The following PILRB variants were observed in gnomAD, a reference collection of about 807,000 sequenced individuals.
The protein encoded by PILRB is paired immunoglobin like type 2 receptor beta, also known as paired immunoglobulin-like type 2 receptor beta.
A neutral mutation model predicts 20.5 loss-of-function variants in PILRB; 21 were observed. The ratio of observed to expected loss-of-function variants is 1.02; its 90% CI spans 0.72 to 1.47. The LOEUF (loss-of-function observed/expected upper bound fraction) is 1.47, where lower values mean the gene tolerates loss of function less well. Among genes scored for constraint, PILRB ranks in the 40% most tolerant of loss-of-function variants. PILRB has a pLI of 0.00. For synonymous variants in PILRB, 133 were observed against 115.1 expected (o/e 1.16, Z -0.99); for missense variants, 253 against 272.1 (o/e 0.93, Z 0.49).
At chr7:100,359,181 GTTA>G in intron 2 of PILRB, 102 bp downstream of exon 2, 1 of 1,546,178 alleles carries the variant, frequency 6.5e-7, no homozygotes, top group Non-Finnish European at 8.9e-7. Context: ...ATTGAGAGCT[GTTA>G]GCATTTCACC....
rs971214891 is a variant in PILRB, at chr7:100,362,179, A to G, written c.655+2642A>G. ...GTAGGGTGGGATAATGACCAAAGAC[A>G]GAGGGAACACTTCCAGGTTCATTCT... On this transcript the variant is annotated intron_variant, in intron 3 of 3. Transcript: ENST00000609309. 2.6e-5 allele frequency among the ~76,000 whole-genome samples: 4 copies of G among 152,178 alleles called. No individual in the cohort carries two copies. In the East Asian group the frequency reaches 7.7e-4, roughly 29 times the overall value.
chr7:100,361,643 A>C (rs895032021), intron 3 of PILRB, among the ~76,000 whole-genome samples: 11 of 152,210 alleles, frequency 7.2e-5, no homozygotes, highest in African/African-American at 2.7e-4. Context: ...CAGTGAGCCG[A>C]GATGGTGACA....
rs556409410 is a variant in PILRB, at chr7:100,367,549, G to A, written c.*172G>A. ...AAGGAGGCTGGGTCCCTGAATCACCGACTGGAGGAGAGTTACCTACAAGAG... is the reference window on the plus strand; with the variant it reads ...AAGGAGGCTGGGTCCCTGAATCACCAACTGGAGGAGAGTTACCTACAAGAG... On this transcript the variant is annotated 3_prime_UTR_variant, in exon 4 of 4. Coordinates refer to ENST00000609309, the MANE Select transcript of PILRB (RefSeq NM_178238.4). 2.4e-4 allele frequency: 151 copies of A among 619,186 alleles called. No homozygotes were observed. The highest frequency in any genetic ancestry group is 2.3e-4 in the South Asian group (12 of 52,046). The allele number at this position is 619,186 out of a possible 1,614,324, so 38.4% of individuals were successfully genotyped here.
rs1163004268 is a variant in PILRB, at chr7:100,367,774, T to G, written c.*397T>G. The stretch of plus-strand genomic sequence containing the variant: ...CGTCCACATTTTCCAATCTGTATGG[T>G]GGCTGTCTTCTATGGCAGAAGGTTT... On this transcript the variant is annotated 3_prime_UTR_variant, in exon 4 of 4. Transcript: ENST00000609309. The G allele has an allele frequency of 5.2e-6, 1 of 191,976 alleles. No homozygotes were observed. Among genetic ancestry groups the G allele is most frequent in the Non-Finnish European group, 1.1e-5 (1 of 91,728 alleles). The allele number at this position is 191,976 out of a possible 1,614,324, so 11.9% of individuals were successfully genotyped here. A position where few individuals can be genotyped will look rare whatever the true frequency, so the allele number is the denominator to read the frequency against.
At chr7:100,364,947 C>T (rs745578755) in intron 3 of PILRB, among the ~76,000 whole-genome samples, 24 of 151,802 alleles carry the variant, frequency 1.6e-4, no homozygotes, top group Non-Finnish European at 2.8e-4. Flanking sequence ...GTATAAGATC[C>T]TGTCTATTAA....
chr7:100,359,578 T>G, intron 3 of PILRB, 41 bp downstream of exon 3: 1 of 1,568,584 alleles, frequency 6.4e-7, no homozygotes, highest in Non-Finnish European at 8.8e-7. Flanking sequence ...GCTTCCCAGC[T>G]GGGGGTTTCT....
At chr7:100,363,830 C>T (rs532214275) in intron 3 of PILRB, among the ~76,000 whole-genome samples, 1 of 152,160 alleles carries the variant, frequency 6.6e-6, no homozygotes, top group South Asian at 2.1e-4. Flanking sequence ...CATAAATAGG[C>T]CAGGTGCAGT....
Position 100,359,511 on chromosome 7 carries a change from T to G in PILRB, c.629T>G (p.Leu210Arg). The G allele has an allele frequency of 6.2e-7, 1 of 1,613,814 alleles. No homozygotes were observed. The highest frequency in any genetic ancestry group is 8.5e-7 in the Non-Finnish European group (1 of 1,179,750). The change falls in exon 3 of 4, where the codon CTC becomes CGC. Residue 210 changes from leucine (L) to arginine (R), a missense_variant. Transcript: ENST00000609309. Reference protein sequence around the residue: ...KTVILGLLCLLLLWWRRRKGS... With the variant: ...KTVILGLLCLRLLWWRRRKGS... ...GTCATTTTGGGACTGCTGTGCCTCC[T>G]CCTCCTGTGGTGGAGGAGAAGGAAA...
At position 100,358,956 on chromosome 7, in the gene PILRB, A is replaced by G; in HGVS notation, c.331A>G (p.Arg111Gly). The G allele has an allele frequency of 1.9e-6, 3 of 1,614,130 alleles. No individual in the cohort carries two copies. The highest frequency in any genetic ancestry group is 1.1e-5 in the South Asian group (1 of 91,080). The change falls in exon 2 of 4, where the codon AGG becomes GGG. Residue 111 changes from arginine to glycine, a missense_variant. Physicochemically the swap from Arg to Gly is moderately radical, Grantham distance 125. Transcript: ENST00000609309. ...AGAGGGTCAGGAGAGCGGCTTCCTC[A>G]GGATCTCAAACCTGCGGAAGGAGGA... The part of the protein sequence containing the change: ...WTEGQESGFL[R>G]ISNLRKEDQS...
intron 3 of PILRB, among the ~76,000 whole-genome samples, chr7:100,359,952 G>A (rs1227201742): frequency 1.3e-5 from 2 of 152,172 alleles, no homozygotes; most frequent in Non-Finnish European, 2.9e-5. Flanking sequence ...GAACCCGGGA[G>A]GCAGAGGTTG....
At chr7:100,366,866 C>T (rs976136578) in intron 3 of PILRB, among the ~76,000 whole-genome samples, 3 of 151,922 alleles carry the variant, frequency 2.0e-5, no homozygotes, top group East Asian at 1.9e-4. Flanking sequence ...CAAGGTTTTG[C>T]GGGGGCGGTT....
At position 100,367,117 on chromosome 7, in the gene PILRB, C is replaced by A. The variant is rs574036410; in HGVS notation, c.656-232C>A. On this transcript the variant is annotated intron_variant, in intron 3 of 3. Coordinates refer to ENST00000609309, the MANE Select transcript of PILRB (RefSeq NM_178238.4). Reference sequence around the variant, plus strand: ...CGTCAGCAGCGGACTAAAGCCACAACCCCAGCCAGCTGAGTGCTGGGCCTC... The same window carrying A: ...CGTCAGCAGCGGACTAAAGCCACAAACCCAGCCAGCTGAGTGCTGGGCCTC... 2.0e-5 allele frequency among the ~76,000 whole-genome samples: 3 copies of A among 152,258 alleles called. No individual in the cohort carries two copies. The South Asian group carries it at 6.2e-4, about 31-fold the overall frequency.
chr7:100,362,965 A>G (rs1419703498), intron 3 of PILRB, among the ~76,000 whole-genome samples: 1 of 152,048 alleles, frequency 6.6e-6, no homozygotes, highest in Non-Finnish European at 1.5e-5. Context: ...GAATAAGAGA[A>G]GGATGCCCGA....
chr7:100,359,731 T>A (rs1173017434), intron 3 of PILRB, among the ~76,000 whole-genome samples, 194 bp downstream of exon 3: 1 of 152,048 alleles, frequency 6.6e-6, no homozygotes, highest in Non-Finnish European at 1.5e-5. Flanking sequence ...GGGTCACATG[T>A]GAGAACCCCC....
At chr7:100,358,449 G>T in intron 1 of PILRB, 83 bp downstream of exon 1, 1 of 1,521,502 alleles carries the variant, frequency 6.6e-7, no homozygotes. Flanking sequence ...AACATCTGGG[G>T]CAGGGGCCAG....
chr7:100,362,907 T>G (rs770431810), intron 3 of PILRB, among the ~76,000 whole-genome samples: 2 of 152,092 alleles, frequency 1.3e-5, no homozygotes, highest in Non-Finnish European at 2.9e-5. Context: ...GCTGAAAGTC[T>G]TTCAGTCATT....
Position 100,358,291 on chromosome 7 carries a change from A to G in PILRB, c.-12A>G. On this transcript the variant is annotated 5_prime_UTR_variant, in exon 1 of 4. Coordinates refer to ENST00000609309, the MANE Select transcript of PILRB (RefSeq NM_178238.4). ...CTGCTGGTCTCCCCGTCCCCTGGAG[A>G]AGAACAAGGCCATGGGTCGGCCCCT... The G allele has an allele frequency of 6.2e-6, 10 of 1,612,398 alleles. No individual in the cohort carries two copies. Among genetic ancestry groups the G allele is most frequent in the Non-Finnish European group, 8.5e-6 (10 of 1,179,956 alleles).
In PILRB at chr7:100,362,029, A is replaced by C. The variant is rs1790541498; in HGVS notation, c.655+2492A>C. On this transcript the variant is annotated intron_variant, in intron 3 of 3. Transcript: ENST00000609309. Reference sequence around the variant, plus strand: ...TTCTAGCAGAAAATCAGATCAGGAGATCACAGAAGGTCAAGGAACTACTGA... The same window carrying C: ...TTCTAGCAGAAAATCAGATCAGGAGCTCACAGAAGGTCAAGGAACTACTGA... Among the ~76,000 whole-genome samples the C allele has an allele frequency of 2.0e-5, 3 of 152,276 alleles. No individual in the cohort carries two copies. The South Asian group carries it at 6.2e-4, about 32-fold the overall frequency.
chr7:100,362,157 G>A (rs538543088), intron 3 of PILRB, among the ~76,000 whole-genome samples: 3 of 152,248 alleles, frequency 2.0e-5, no homozygotes, highest in African/African-American at 7.2e-5. Flanking sequence ...ACAAGAGGTA[G>A]GGTGGGATAA....
Sources: allele counts gnomAD v4.1 joint callset (sites outside exome capture counted in the v4.1 genomes callset), GRCh38; gene constraint gnomAD v4.1.1; transcripts MANE v1.5; gene names NCBI Gene and HGNC (gene_info 2026-07-23, HGNC 2026-07-21).